Variants in RIMS2 observed in about 807,000 individuals in gnomAD.
The protein encoded by RIMS2 is regulating synaptic membrane exocytosis protein 2.
RIMS2 carries 59 observed loss-of-function variants against 174.4 expected under a neutral mutation model. The ratio of observed to expected loss-of-function variants is 0.34; its 90% CI spans 0.27 to 0.42. The LOEUF (loss-of-function observed/expected upper bound fraction) is 0.42. Ranked by LOEUF, RIMS2 falls within the 10% of genes least tolerant of loss-of-function variation. The pLI, the probability that RIMS2 is intolerant of heterozygous loss-of-function variation, is 1.00. For synonymous variants in RIMS2, 606 were observed against 572.5 expected (o/e 1.06, Z -0.84); for missense variants, 1,620 against 1,666.3 (o/e 0.97, Z 0.48).
At chr8:103,799,368 A>G (rs1374612046) in intron 3 of RIMS2, among the ~76,000 whole-genome samples, 4 of 152,198 alleles carry the variant, frequency 2.6e-5, no homozygotes, top group African/African-American at 7.2e-5. Flanking sequence ...TTGACATCCC[A>G]TTAGTGATGG....
intron 2 of RIMS2, among the ~76,000 whole-genome samples, chr8:103,754,047 C>G (rs895789452): frequency 1.1e-4 from 17 of 152,200 alleles, no homozygotes; most frequent in Non-Finnish European, 1.8e-4. Context: ...ATCTTTCCTG[C>G]TTTCTCTTGT....
At chr8:103,819,744 T>A in intron 3 of RIMS2, 1 of 697,466 alleles carries the variant, frequency 1.4e-6, no homozygotes, top group Non-Finnish European at 2.2e-6. Context: ...GTTATCTGTT[T>A]ACTGTAAATA....
chr8:103,660,474 A>G (rs1339084903), intron 1 of RIMS2, among the ~76,000 whole-genome samples: 1 of 152,154 alleles, frequency 6.6e-6, no homozygotes, highest in African/African-American at 2.4e-5. Context: ...GGAGCCAAGG[A>G]CCTCAGGGCC....
At chr8:104,088,659 G>A (rs1270150668) in intron 19 of RIMS2, among the ~76,000 whole-genome samples, 1 of 152,006 alleles carries the variant, frequency 6.6e-6, no homozygotes, top group South Asian at 2.1e-4. Flanking sequence ...ATTTAAGGAA[G>A]TTCATAATCC....
intron 19 of RIMS2, among the ~76,000 whole-genome samples, chr8:104,209,992 C>G (rs546058025): frequency 6.6e-6 from 1 of 151,908 alleles, no homozygotes; most frequent in Admixed American, 6.6e-5. Context: ...TTTTAAATAC[C>G]AAAGAATGAA....
At chr8:103,759,048 GA>G (rs57084098) in intron 2 of RIMS2, among the ~76,000 whole-genome samples, 18,872 of 152,136 alleles carry the variant, frequency 0.12, 1,268 homozygotes, top group Middle Eastern at 0.22. Flanking sequence ...TGTAGGGGAG[GA>G]GAAAGAAGAC....
intron 19 of RIMS2, among the ~76,000 whole-genome samples, chr8:104,106,076 A>G (rs961374188): frequency 3.3e-5 from 5 of 150,020 alleles, no homozygotes; most frequent in African/African-American, 1.2e-4. Flanking sequence ...GAGAAAGAGA[A>G]AAGAAATGAA....
At chr8:103,900,229 G>C (rs2099320583) in intron 4 of RIMS2, among the ~76,000 whole-genome samples, 1 of 151,514 alleles carries the variant, frequency 6.6e-6, no homozygotes, top group African/African-American at 2.4e-5. Context: ...GAGAGATTTT[G>C]TTTGTTCGTT....
chr8:103,528,806 A>C (rs1338109542), intron 1 of RIMS2, among the ~76,000 whole-genome samples: 1 of 152,142 alleles, frequency 6.6e-6, no homozygotes, highest in Non-Finnish European at 1.5e-5. Flanking sequence ...CTTGTAGTAT[A>C]GTTTGAAGTC....
At chr8:103,950,653 T>C (rs1239958667) in intron 14 of RIMS2, among the ~76,000 whole-genome samples, 3 of 152,126 alleles carry the variant, frequency 2.0e-5, no homozygotes, top group South Asian at 4.1e-4. Flanking sequence ...ATAAAGAACA[T>C]GTATCAAACC....
At chr8:103,937,631 A>C (rs997797672) in intron 13 of RIMS2, among the ~76,000 whole-genome samples, 5 of 152,222 alleles carry the variant, frequency 3.3e-5, no homozygotes, top group Non-Finnish European at 5.9e-5. Context: ...AGGTGGTCAA[A>C]GGAAGTCTTC....
At chr8:104,212,014 GA>G (rs2099107804) in intron 19 of RIMS2, among the ~76,000 whole-genome samples, 22 of 152,078 alleles carry the variant, frequency 1.4e-4, no homozygotes, top group Admixed American at 1.2e-3. Context: ...AGGATGTCCA[GA>G]TTTTTGTTGT....
intron 19 of RIMS2, among the ~76,000 whole-genome samples, chr8:104,150,110 T>A (rs1343896021): frequency 6.7e-6 from 1 of 150,308 alleles, no homozygotes; most frequent in African/African-American, 2.5e-5. Flanking sequence ...GAAATTGAGG[T>A]TTTTTTATAC....
chr8:104,155,559 G>A (rs959961917), intron 19 of RIMS2, among the ~76,000 whole-genome samples: 2 of 150,588 alleles, frequency 1.3e-5, no homozygotes, highest in Non-Finnish European at 3.0e-5. Flanking sequence ...GATTACAGGC[G>A]CCCACCACCA....
At chr8:103,655,481 A>C (rs2096518249) in intron 1 of RIMS2, among the ~76,000 whole-genome samples, 3 of 152,184 alleles carry the variant, frequency 2.0e-5, no homozygotes, top group Non-Finnish European at 4.4e-5. Context: ...AAAGTTTCCA[A>C]TGCAAATACA....
intron 19 of RIMS2, among the ~76,000 whole-genome samples, chr8:104,196,988 A>G (rs1390507182): frequency 3.3e-5 from 5 of 152,144 alleles, no homozygotes; most frequent in African/African-American, 7.2e-5. Context: ...ATTATCTTAT[A>G]TTTTTCCTAT....
chr8:103,546,447 C>A lies in RIMS2; in HGVS notation c.176+45385C>A, dbSNP rs186702942. On this transcript the variant is annotated intron_variant, in intron 1 of 23. Coordinates refer to ENST00000504942, the Ensembl canonical transcript of RIMS2. ...TAATAATGGTGGGAGACTTCAAAAC[C>A]CCATGGACAGTATTAGAGACATCAT... Among the ~76,000 whole-genome samples the A allele has an allele frequency of 2.5e-3, 382 of 152,116 alleles. 7 individuals carry two copies. In the South Asian group the frequency reaches 0.037, roughly 15 times the overall value.
intron 19 of RIMS2, among the ~76,000 whole-genome samples, chr8:104,083,061 C>T (rs1338660284): frequency 1.3e-5 from 2 of 152,126 alleles, no homozygotes; most frequent in Non-Finnish European, 2.9e-5. Flanking sequence ...TCTGTAAGCC[C>T]AGTTGATGCT....
intron 17 of RIMS2, chr8:103,998,308 A>G (rs2095231295): frequency 4.4e-6 from 5 of 1,137,728 alleles, no homozygotes; most frequent in Non-Finnish European, 6.6e-6. Context: ...GTGTATTGAT[A>G]TGATATAGTT....
Sources: allele counts gnomAD v4.1 joint callset (sites outside exome capture counted in the v4.1 genomes callset), GRCh38; gene constraint gnomAD v4.1.1; transcripts MANE v1.5; gene names NCBI Gene and HGNC (gene_info 2026-07-23, HGNC 2026-07-21).